Variants in WASF3 observed in about 807,000 individuals in gnomAD.
WASF3 encodes the protein WASP family member 3.
A neutral mutation model predicts 46.6 loss-of-function variants in WASF3; 11 were observed. The observed-to-expected ratio is 0.24, with a 90% confidence interval of 0.15 to 0.39. WASF3 has a LOEUF of 0.39. WASF3 is among the 10% of genes least tolerant of loss of function. The probability of loss-of-function intolerance (pLI) is 1.00; values close to 1 mark genes in which losing one functional copy is unlikely to be tolerated. For missense variants in WASF3, 576 were observed against 669.8 expected (o/e 0.86, Z 1.55); for synonymous variants, 242 against 259.7 (o/e 0.93, Z 0.65).
chr13:26,551,265 G>A, the WASF3 span, among the ~76,000 whole-genome samples: 10 of 152,134 alleles, frequency 6.6e-5, no homozygotes, highest in Admixed American at 6.5e-4. Context: ...TCTTCTTCAT[G>A]AATTACTGAG....
At chr13:26,659,628 G>A (rs185677487) in intron 3 of WASF3, among the ~76,000 whole-genome samples, 1 of 152,282 alleles carries the variant, frequency 6.6e-6, no homozygotes, top group East Asian at 1.9e-4. Context: ...GGAGGTCGAG[G>A]TGAGTGGTGA....
intron 1 of WASF3, among the ~76,000 whole-genome samples, chr13:26,604,081 CCTT>C (rs1880723216): frequency 6.6e-6 from 1 of 152,154 alleles, no homozygotes; most frequent in Non-Finnish European, 1.5e-5. Flanking sequence ...TTGGAATAAA[CCTT>C]GGGACTTAGG....
At chr13:26,672,223 CTTTGT>C (rs1186878605) in intron 6 of WASF3, among the ~76,000 whole-genome samples, 3 of 152,256 alleles carry the variant, frequency 2.0e-5, no homozygotes, top group South Asian at 4.1e-4. Flanking sequence ...AGTTCCTAAA[CTTTGT>C]TTTGTTACCA....
Position 26,557,782 on chromosome 13 carries a change from G to T in WASF3, c.-146G>T, listed in dbSNP as rs2137130500. On this transcript the variant is annotated 5_prime_UTR_variant, in exon 1 of 10. Transcript: ENST00000335327. ...CGGCGCGGCGGGACCATGGAGCTCA[G>T]AGCGCAGCCCCGGCGCCGGCGGCGG... is the stretch of plus-strand genomic sequence containing the variant. 3.7e-6 allele frequency: 1 copy of T among 273,492 alleles called. No homozygotes were observed. Among genetic ancestry groups the T allele is most frequent in the South Asian group, 1.5e-4 (1 of 6,756 alleles). 16.9% of individuals were successfully genotyped at this position (273,492 alleles called of 1,614,324 possible).
At chr13:26,636,450 G>C (rs1352189488) in intron 2 of WASF3, among the ~76,000 whole-genome samples, 3 of 152,200 alleles carry the variant, frequency 2.0e-5, no homozygotes, top group African/African-American at 7.2e-5. Flanking sequence ...GAAATCCCCT[G>C]ACCCCTTGTG....
chr13:26,578,119 T>A (rs1879857027), intron 1 of WASF3, among the ~76,000 whole-genome samples: 1 of 152,220 alleles, frequency 6.6e-6, no homozygotes, highest in Non-Finnish European at 1.5e-5. Context: ...CTTTCCCCCC[T>A]TCTTTTCTTT....
At chr13:26,586,901 A>G (rs1348007400) in intron 1 of WASF3, among the ~76,000 whole-genome samples, 2 of 151,912 alleles carry the variant, frequency 1.3e-5, no homozygotes, top group African/African-American at 4.8e-5. Flanking sequence ...AAAATCCTCA[A>G]TTTCAGTCTG....
chr13:26,545,488 C>T, the WASF3 span, among the ~76,000 whole-genome samples: 6 of 152,014 alleles, frequency 3.9e-5, no homozygotes, highest in East Asian at 1.9e-4. Context: ...TTTAATTCCT[C>T]GTTCTCTGTA....
At chr13:26,559,673 A>G (rs953744761) in intron 1 of WASF3, among the ~76,000 whole-genome samples, 1 of 152,138 alleles carries the variant, frequency 6.6e-6, no homozygotes, top group Non-Finnish European at 1.5e-5. Context: ...CTCACGGGCT[A>G]GTACTAGTGA....
intron 3 of WASF3, among the ~76,000 whole-genome samples, chr13:26,647,371 T>C (rs556773392): frequency 6.1e-4 from 93 of 152,326 alleles, no homozygotes; most frequent in Non-Finnish European, 1.1e-3. Flanking sequence ...GGTGTGTTAC[T>C]TGGTTTTCCA....
chr13:26,556,053 A>G (rs9512262), upstream of WASF3, among the ~76,000 whole-genome samples: 24,441 of 152,230 alleles, frequency 0.16, 2,476 homozygotes, highest in South Asian at 0.25. Flanking sequence ...AGGCATTATA[A>G]AAGGAGGAAA....
At chr13:26,629,128 T>C (rs1881572591) in intron 2 of WASF3, among the ~76,000 whole-genome samples, 2 of 152,246 alleles carry the variant, frequency 1.3e-5, no homozygotes, top group Admixed American at 1.3e-4. Flanking sequence ...TCAGATGCGA[T>C]GATGTGTGGG....
At chr13:26,617,280 A>G (rs894144912) in intron 2 of WASF3, among the ~76,000 whole-genome samples, 11 of 151,998 alleles carry the variant, frequency 7.2e-5, no homozygotes, top group South Asian at 4.2e-4. Flanking sequence ...TTTTTTACCA[A>G]TTGAATATGA....
chr13:26,580,099 G>C (rs952064329), intron 1 of WASF3, among the ~76,000 whole-genome samples: 1 of 152,086 alleles, frequency 6.6e-6, no homozygotes, highest in Non-Finnish European at 1.5e-5. Context: ...TCTTCTTCCA[G>C]TGTGGCCCAG....
chr13:26,597,191 G>GGC (rs1566045977), intron 1 of WASF3, among the ~76,000 whole-genome samples: 2 of 152,160 alleles, frequency 1.3e-5, no homozygotes, highest in East Asian at 1.9e-4. Flanking sequence ...GGAGTGCAGT[G>GGC]GTGCAATCTC....
At chr13:26,551,017 C>G in the WASF3 span, among the ~76,000 whole-genome samples, 1 of 152,274 alleles carries the variant, frequency 6.6e-6, no homozygotes, top group East Asian at 1.9e-4. Context: ...GACCTGGTGG[C>G]AGGTGATTGG....
intron 1 of WASF3, among the ~76,000 whole-genome samples, chr13:26,593,717 C>T (rs547309049): frequency 6.6e-6 from 1 of 152,310 alleles, no homozygotes; most frequent in South Asian, 2.1e-4. Context: ...TAGGTACTAG[C>T]ATATAGTAGG....
At chr13:26,549,964 G>C in the WASF3 span, among the ~76,000 whole-genome samples, 2 of 152,146 alleles carry the variant, frequency 1.3e-5, no homozygotes, top group Non-Finnish European at 2.9e-5. Context: ...GCCAATCTTA[G>C]GCAACTGCAG....
At position 26,682,876 on chromosome 13, in the gene WASF3, C is replaced by T; in HGVS notation, c.1253C>T (p.Pro418Leu). ...PGPGSSLSSS[P>L]MHGPPVAEAK... ...CCCGGGTCTTCTCTTTCGTCCTCCC[C>T]AATGCATGGCCCCCCAGTAGCTGAG... The change falls in exon 9 of 10, where the codon CCA (proline) becomes CTA (leucine). Residue 418 changes from proline to leucine, a missense_variant. Transcript: ENST00000335327. The surrounding 1 kb of genome is among the most constrained non-coding windows in gnomAD (Gnocchi z 4.4). The T allele has an allele frequency of 6.2e-7, 1 of 1,612,154 alleles. No homozygotes were observed. Among genetic ancestry groups the T allele is most frequent in the Non-Finnish European group, 8.5e-7 (1 of 1,179,998 alleles).
Sources: gnomAD v4.1 joint callset for allele counts (sites outside exome capture counted in the v4.1 genomes callset) on GRCh38, gnomAD v4.1.1 for gene constraint, Gnocchi (gnomAD v3.1) non-coding constraint, MANE v1.5 for transcripts, NCBI Gene and HGNC (gene_info 2026-07-23, HGNC 2026-07-21) for gene names.